C1orf216: variants seen among roughly 807,000 people sequenced by gnomAD.
The protein encoded by C1orf216 is chromosome 1 open reading frame 216.
C1orf216 carries 18 observed loss-of-function variants against 16.4 expected under a neutral mutation model. The ratio of observed to expected loss-of-function variants is 1.10; its 90% CI spans 0.76 to 1.63. The LOEUF is 1.63. Ranked by LOEUF, C1orf216 falls within the 40% of genes most tolerant of loss-of-function variation. The pLI, the probability that C1orf216 is intolerant of heterozygous loss-of-function variation, is 0.00. For synonymous variants in C1orf216, 115 were observed against 116.9 expected, an observed-to-expected ratio of 0.98 and a Z score of 0.11; for missense variants, 271 against 297.6, an observed-to-expected ratio of 0.91 and a Z score of 0.66.
In C1orf216 at chr1:35,714,497, G is replaced by A. The variant is rs919823946; in HGVS notation, c.*1135C>T. On this transcript the variant is annotated 3_prime_UTR_variant, in exon 2 of 2. Coordinates refer to ENST00000270815, the MANE Select transcript of C1orf216 (RefSeq NM_152374.2). ...ACAGGGAAGCGATATTTTCCTCATC[G>A]GCCTTGGAACATCTTGTCTGTTACT... 6.6e-6 allele frequency: 1 copy of A among 152,064 alleles called. No individual in the cohort carries two copies. The highest frequency in any genetic ancestry group is 1.5e-5 in the Non-Finnish European group (1 of 68,048). The allele number at this position is 152,064 out of a possible 1,614,324, so 9.4% of individuals were successfully genotyped here.
At position 35,716,017 on chromosome 1, in the gene C1orf216, C is replaced by T; in HGVS notation, c.305G>A (p.Gly102Asp). 1.2e-6 allele frequency: 2 copies of T among 1,614,046 alleles called. No homozygotes were observed. Among genetic ancestry groups the T allele is most frequent in the Non-Finnish European group, 1.7e-6 (2 of 1,180,036 alleles). ...GTCCTCCAGAGGGGAGCAGACTGTG[C>T]CAGCACCACCCATCTTCTCAGGCTC... ...GAEPEKMGGA[G>D]TVCSPLEDNG... Residue 102 changes from glycine (G) to aspartate (D), a missense_variant, in exon 2 of 2, where the codon GGC becomes GAC. Physicochemically the swap from Gly to Asp is moderately conservative, Grantham distance 94 (BLOSUM62 -1). Around this residue, in one of 3 missense-constraint regions of C1orf216, gnomAD observed 220 missense variants for 227.8 expected, o/e 0.97. Transcript: ENST00000270815.
rs1431473718 is a variant in C1orf216 at position 35,715,760 on chromosome 1, G to A, written c.562C>T (p.Gln188Ter). ...GCCTGCTGGTCAATCAACTGATGCTGCAGGCCCCGGATCCACTGGAGCAGT... is the reference window on the plus strand; with the variant it reads ...GCCTGCTGGTCAATCAACTGATGCTACAGGCCCCGGATCCACTGGAGCAGT... The part of the protein sequence containing the change: ...LALLQWIRGL[Q>*]HQLIDQQARL... Residue 188 changes from glutamine to a stop codon, truncating the protein, a stop_gained, in exon 2 of 2, where the codon CAG becomes TAG. Coordinates refer to ENST00000270815, the MANE Select transcript of C1orf216 (RefSeq NM_152374.2). LOFTEE classifies it high-confidence loss of function. This position sits in a 1 kb window ranked among gnomAD's most constrained non-coding sequence, Gnocchi z 4.3. 1.9e-6 allele frequency: 3 copies of A among 1,614,154 alleles called. No homozygotes were observed. Among genetic ancestry groups the A allele is most frequent in the Non-Finnish European group, 2.5e-6 (3 of 1,180,036 alleles).
Position 35,715,674 on chromosome 1 carries a change from G to A in C1orf216, c.648C>T (p.Leu216=). The change falls in exon 2 of 2, where the codon CTC becomes CTT. Residue 216 remains leucine, a synonymous_variant. Transcript: ENST00000270815. The surrounding 1 kb of genome is among the most constrained non-coding windows in gnomAD (Gnocchi z 4.3). ...GCCTGGATGGTGCTGCCCTCTGCTG[G>A]AGACAGCGAATAAGCTCCTTCCGGT... ...LDNRKELIRC[L]QQRAAPSRPQ... is the part of the protein sequence containing the mutation. 6.2e-7 allele frequency: 1 copy of A among 1,614,104 alleles called. No individual in the cohort carries two copies. The highest frequency in any genetic ancestry group is 8.5e-7 in the Non-Finnish European group (1 of 1,180,004).
intron 1 of C1orf216, 85 bp from the exon 2 acceptor site, chr1:35,716,411 C>G: frequency 8.0e-7 from 1 of 1,245,020 alleles, no homozygotes; most frequent in Non-Finnish European, 1.1e-6. Context: ...AGGGACAAGG[C>G]TGCAAGCAAG....
In C1orf216 at chr1:35,716,222, T is replaced by TG; in HGVS notation, c.99dup (p.Asn34GlnfsTer10). ...GCATCCTTGGCACTTGCCATGAAGT[T>TG]GGAGTTGCTGTCTGGTTGGAGCTCG... is the stretch of plus-strand genomic sequence containing the variant. On this transcript the variant is annotated frameshift_variant, in exon 2 of 2. Coordinates refer to ENST00000270815, the MANE Select transcript of C1orf216 (RefSeq NM_152374.2). LOFTEE classifies it high-confidence loss of function. 1 of 1,614,274 alleles carries TG rather than the reference T, an allele frequency of 6.2e-7. No homozygotes were observed. The highest frequency in any genetic ancestry group is 8.5e-7 in the Non-Finnish European group (1 of 1,180,042).
rs575660512 is a variant in C1orf216, at chr1:35,715,133, G to A, written c.*499C>T. The A allele has an allele frequency of 6.7e-4, 115 of 170,934 alleles. 1 individual carries two copies. Among genetic ancestry groups the A allele is most frequent in the Non-Finnish European group, 1.2e-3 (92 of 78,166 alleles). The allele number at this position is 170,934 out of a possible 1,614,324, so 10.6% of individuals were successfully genotyped here. ...TGTATTTGCACACACCTGCTCATGAGTCTGCCTACAAACACACATGCTCCT... is the reference window on the plus strand; with the variant it reads ...TGTATTTGCACACACCTGCTCATGAATCTGCCTACAAACACACATGCTCCT... On this transcript the variant is annotated 3_prime_UTR_variant, in exon 2 of 2. Coordinates refer to ENST00000270815, the MANE Select transcript of C1orf216 (RefSeq NM_152374.2). This position sits in a 1 kb window ranked among gnomAD's most constrained non-coding sequence, Gnocchi z 4.3.
Position 35,715,000 on chromosome 1 carries a change from T to C in C1orf216, c.*632A>G, listed in dbSNP as rs1640927754. The C allele has an allele frequency of 1.3e-5, 2 of 153,004 alleles. No homozygotes were observed. Among genetic ancestry groups the C allele is most frequent in the Admixed American group, 6.5e-5 (1 of 15,424 alleles). The allele number at this position is 153,004 out of a possible 1,614,324, so 9.5% of individuals were successfully genotyped here. ...CACAACCTTCAGATAAATGACAGCA[T>C]GCTAGCCCTCTGTCTCCAGGGAACA... On this transcript the variant is annotated 3_prime_UTR_variant, in exon 2 of 2. Coordinates refer to ENST00000270815, the MANE Select transcript of C1orf216 (RefSeq NM_152374.2).
Position 35,715,565 on chromosome 1 carries a change from A to G in C1orf216, c.*67T>C. 6.7e-7 allele frequency: 1 copy of G among 1,499,088 alleles called. No homozygotes were observed. Among genetic ancestry groups the G allele is most frequent in the Non-Finnish European group, 9.0e-7 (1 of 1,111,258 alleles). 92.9% of individuals were successfully genotyped at this position (1,499,088 alleles called of 1,614,324 possible). A position where few individuals can be genotyped will look rare whatever the true frequency, so the allele number is the denominator to read the frequency against. On this transcript the variant is annotated 3_prime_UTR_variant, in exon 2 of 2. Transcript: ENST00000270815. The surrounding 1 kb of genome is among the most constrained non-coding windows in gnomAD (Gnocchi z 4.3). ...AATCATGCCAGCAAATTATGTACTT[A>G]CTAGTGCGCCTCACACATGCCTGCA...
In C1orf216 at chr1:35,716,033, T is replaced by G; in HGVS notation, c.289A>C (p.Lys97Gln). ...GAEIPGAEPE[K>Q]MGGAGTVCSP... ...CAGACTGTGCCAGCACCACCCATCT[T>G]CTCAGGCTCAGCCCCGGGAATCTCT... Residue 97 changes from lysine (K) to glutamine (Q), a missense_variant, in exon 2 of 2, where the codon AAG (lysine) becomes CAG (glutamine). This residue lies in a region of C1orf216 where 220 missense variants were observed against 227.8 expected (regional missense o/e 0.97). Transcript: ENST00000270815. The G allele has an allele frequency of 6.2e-7, 1 of 1,614,048 alleles. No homozygotes were observed. Among genetic ancestry groups the G allele is most frequent in the Non-Finnish European group, 8.5e-7 (1 of 1,180,002 alleles).
In C1orf216 at chr1:35,718,867, G is replaced by A. The variant is rs1022531232; in HGVS notation, c.-166C>T. The A allele has an allele frequency of 6.6e-6, 1 of 152,298 alleles. No individual in the cohort carries two copies. The highest frequency in any genetic ancestry group is 1.5e-5 in the Non-Finnish European group (1 of 68,080). The allele number at this position is 152,298 out of a possible 1,614,324, so 9.4% of individuals were successfully genotyped here. On this transcript the variant is annotated 5_prime_UTR_variant, in exon 1 of 2. Transcript: ENST00000270815. ...CGCCCAGCCCCAGTCCCGGACTGCG[G>A]AGTCAGGCGGCGTCTGCGCAGCAGG... is the stretch of plus-strand genomic sequence containing the variant.
chr1:35,717,865 G>A (rs1640977106), intron 1 of C1orf216, among the ~76,000 whole-genome samples: 1 of 152,182 alleles, frequency 6.6e-6, no homozygotes, highest in Non-Finnish European at 1.5e-5. Context: ...GAGTGAATGG[G>A]AGAAGAGACT....
At position 35,716,088 on chromosome 1, in the gene C1orf216, C is replaced by G; in HGVS notation, c.234G>C (p.Glu78Asp). 6.2e-7 allele frequency: 1 copy of G among 1,614,142 alleles called. No individual in the cohort carries two copies. The highest frequency in any genetic ancestry group is 8.5e-7 in the Non-Finnish European group (1 of 1,180,014). The change falls in exon 2 of 2, where the codon GAG becomes GAC. Residue 78 changes from glutamate (E) to aspartate (D), a missense_variant. Glu to Asp is a conservative substitution (Grantham distance 45). Around this residue, in one of 3 missense-constraint regions of C1orf216, gnomAD observed 220 missense variants for 227.8 expected, o/e 0.97. Transcript: ENST00000270815. ...CCTCTGGGGGGCTGCGCACCCCTTC[C>G]TCAGGGGATCCAGGGGCCTGGAAGG... ...NQAFQAPGSP[E>D]EGVRSPPEGA...
Position 35,715,946 on chromosome 1 carries a change from T to G in C1orf216, c.376A>C (p.Ser126Arg). ...GGGGTCCCACAGGCAGGCTCAGGAC[T>G]GCTGCTACGGCTGTCAATGCTCAGG... ...SSLSIDSRSS[S>R]PEPACGTPRG... Residue 126 changes from serine to arginine, a missense_variant, in exon 2 of 2, where the codon AGT (serine) becomes CGT (arginine). By Grantham distance (110) the Ser-to-Arg change is moderately radical. Transcript: ENST00000270815. This position sits in a 1 kb window ranked among gnomAD's most constrained non-coding sequence, Gnocchi z 4.3. The G allele has an allele frequency of 6.2e-7, 1 of 1,614,148 alleles. No homozygotes were observed.
In C1orf216 at chr1:35,716,244, C is replaced by G; in HGVS notation, c.78G>C (p.Glu26Asp). ...GDPPPGLCQPELQPDSNSNFM... is the reference protein window; with the variant it reads ...GDPPPGLCQPDLQPDSNSNFM... The stretch of plus-strand genomic sequence containing the variant: ...AGTTGGAGTTGCTGTCTGGTTGGAG[C>G]TCGGGCTGACATAATCCAGGAGGTG... The change falls in exon 2 of 2, where the codon GAG becomes GAC. Residue 26 changes from glutamate to aspartate, a missense_variant. Coordinates refer to ENST00000270815, the MANE Select transcript of C1orf216 (RefSeq NM_152374.2). 6.2e-7 allele frequency: 1 copy of G among 1,614,254 alleles called. No individual in the cohort carries two copies. Among genetic ancestry groups the G allele is most frequent in the Non-Finnish European group, 8.5e-7 (1 of 1,180,046 alleles).
At chr1:35,717,725 G>A (rs1292034139) in intron 1 of C1orf216, among the ~76,000 whole-genome samples, 1 of 152,130 alleles carries the variant, frequency 6.6e-6, no homozygotes, top group Admixed American at 6.5e-5. Context: ...TTGGTTTGTG[G>A]TAATGATCTT....
chr1:35,717,613 C>T (rs1011583562), intron 1 of C1orf216, among the ~76,000 whole-genome samples: 1 of 152,200 alleles, frequency 6.6e-6, no homozygotes, highest in Non-Finnish European at 1.5e-5. Context: ...ATGCCTTCCT[C>T]TGGGTCCCCA....
rs1200150716 is a variant in C1orf216, at chr1:35,714,507, C to CATCTTGTCTGTTACTTGCAAG, written c.*1104_*1124dup. 77 of 152,324 alleles carry CATCTTGTCTGTTACTTGCAAG rather than the reference C, an allele frequency of 5.1e-4. No homozygotes were observed. The highest frequency in any genetic ancestry group is 1.8e-3 in the African/African-American group (73 of 41,560). 9.4% of individuals were successfully genotyped at this position (152,324 alleles called of 1,614,324 possible). A position where few individuals can be genotyped will look rare whatever the true frequency, so the allele number is the denominator to read the frequency against. The stretch of plus-strand genomic sequence containing the variant: ...GATATTTTCCTCATCGGCCTTGGAA[C>CATCTTGTCTGTTACTTGCAAG]ATCTTGTCTGTTACTTGCAAGCTTA... On this transcript the variant is annotated 3_prime_UTR_variant, in exon 2 of 2. Transcript: ENST00000270815.
At chr1:35,717,131 T>A (rs1640970007) in intron 1 of C1orf216, among the ~76,000 whole-genome samples, 1 of 152,096 alleles carries the variant, frequency 6.6e-6, no homozygotes, top group South Asian at 2.1e-4. Context: ...TTCTCCCATC[T>A]CATTAATAAC....
Position 35,716,056 on chromosome 1 carries a change from T to C in C1orf216, c.266A>G (p.Glu89Gly). ...CTTCTCAGGCTCAGCCCCGGGAATCTCTGCCCCCTCTGGGGGGCTGCGCAC... is the reference window on the plus strand; with the variant it reads ...CTTCTCAGGCTCAGCCCCGGGAATCCCTGCCCCCTCTGGGGGGCTGCGCAC... ...EGVRSPPEGA[E>G]IPGAEPEKMG... Residue 89 changes from glutamate (E) to glycine (G), a missense_variant, in exon 2 of 2, where the codon GAG becomes GGG. This residue lies in a region of C1orf216 where 220 missense variants were observed against 227.8 expected (regional missense o/e 0.97). Transcript: ENST00000270815. 6.2e-7 allele frequency: 1 copy of C among 1,614,108 alleles called. No individual in the cohort carries two copies. Among genetic ancestry groups the C allele is most frequent in the Non-Finnish European group, 8.5e-7 (1 of 1,180,032 alleles).
Sources: allele counts gnomAD v4.1 joint callset (sites outside exome capture counted in the v4.1 genomes callset), GRCh38; gene constraint gnomAD v4.1.1; regional missense constraint gnomAD v4.1.1; non-coding constraint Gnocchi (gnomAD v3.1); transcripts MANE v1.5; gene names NCBI Gene and HGNC (gene_info 2026-07-23, HGNC 2026-07-21).